The following PIK3C2G variants were observed in gnomAD, a reference collection of about 807,000 sequenced individuals.
PIK3C2G encodes the protein phosphatidylinositol 3-kinase C2 domain-containing subunit gamma.
In PIK3C2G, 168 loss-of-function variants were observed where a neutral mutation model predicts 181.1. The ratio of observed to expected loss-of-function variants is 0.93; its 90% CI spans 0.82 to 1.05. PIK3C2G has a LOEUF of 1.05. Ranked by LOEUF, PIK3C2G falls within the 50% of genes least tolerant of loss-of-function variation. The pLI is 0.00. For synonymous variants in PIK3C2G, 573 were observed against 592.2 expected, an observed-to-expected ratio of 0.97 and a Z score of 0.47; for missense variants, 1,869 against 1,732.8, an observed-to-expected ratio of 1.08 and a Z score of -1.40.
intron 8 of PIK3C2G, among the ~76,000 whole-genome samples, chr12:18,333,613 C>G (rs1426600690): frequency 1.3e-5 from 2 of 152,108 alleles, no homozygotes; most frequent in Non-Finnish European, 2.9e-5. Flanking sequence ...CTGCAAAGGA[C>G]ATGAACTCAT....
chr12:18,417,704 T>A (rs1945256952), intron 16 of PIK3C2G, among the ~76,000 whole-genome samples: 1 of 152,138 alleles, frequency 6.6e-6, no homozygotes, highest in Non-Finnish European at 1.5e-5. Flanking sequence ...TATTACACAT[T>A]TAGTAGACTA....
chr12:18,496,602 C>A (rs1414940690), intron 21 of PIK3C2G, among the ~76,000 whole-genome samples: 3 of 151,840 alleles, frequency 2.0e-5, no homozygotes, highest in Non-Finnish European at 4.4e-5. Context: ...AAATATGGGT[C>A]ATTTCAGTCT....
chr12:18,692,617 G>GT, the PIK3C2G span: 1 of 570,026 alleles, frequency 1.8e-6, no homozygotes, highest in African/African-American at 1.9e-5. Context: ...GCAATATGAG[G>GT]TCAACCGCAA....
At chr12:18,708,218 C>T in the PIK3C2G span, among the ~76,000 whole-genome samples, 2 of 152,160 alleles carry the variant, frequency 1.3e-5, no homozygotes, top group African/African-American at 4.8e-5. Flanking sequence ...GGTTATCTAT[C>T]TCTGTACATT....
intron 11 of PIK3C2G, among the ~76,000 whole-genome samples, chr12:18,348,391 T>C (rs1046029688): frequency 2.0e-5 from 3 of 152,080 alleles, no homozygotes; most frequent in African/African-American, 4.8e-5. Flanking sequence ...TGTCTCTACA[T>C]AGTACCTACA....
chr12:18,449,173 C>T (rs1486852536), intron 18 of PIK3C2G, among the ~76,000 whole-genome samples: 2 of 152,120 alleles, frequency 1.3e-5, no homozygotes, highest in African/African-American at 4.8e-5. Context: ...GCATTTATCT[C>T]TAGGCTCACT....
chr12:18,341,247 A>G (rs1323447302), intron 9 of PIK3C2G, among the ~76,000 whole-genome samples: 2 of 152,204 alleles, frequency 1.3e-5, no homozygotes, highest in Non-Finnish European at 2.9e-5. Context: ...TATCAAACTT[A>G]CAATATTTGA....
the PIK3C2G span, among the ~76,000 whole-genome samples, chr12:18,661,375 AAAGAG>A: frequency 5.6e-5 from 6 of 107,000 alleles, no homozygotes; most frequent in South Asian, 1.6e-3. Context: ...AAATAAAAAA[AAAGAG>A]AGAGAGAGAA....
At chr12:18,446,303 GTC>G (rs1434040743) in intron 18 of PIK3C2G, among the ~76,000 whole-genome samples, 9 of 152,254 alleles carry the variant, frequency 5.9e-5, no homozygotes, top group Admixed American at 3.3e-4. Flanking sequence ...AACATTCAGA[GTC>G]TCTCTTGCCC....
intron 1 of PIK3C2G, among the ~76,000 whole-genome samples, chr12:18,267,045 A>G (rs1489253506): frequency 2.6e-5 from 4 of 152,104 alleles, no homozygotes; most frequent in Non-Finnish European, 5.9e-5. Context: ...TAGGATTTCC[A>G]TAATACAGTG....
chr12:18,683,133 A>G, the PIK3C2G span: 2 of 938,024 alleles, frequency 2.1e-6, no homozygotes, highest in Admixed American at 4.3e-5. Context: ...TTCTAGTTTT[A>G]TGAGTAATTA....
At chr12:18,697,299 A>C in the PIK3C2G span, among the ~76,000 whole-genome samples, 1 of 152,150 alleles carries the variant, frequency 6.6e-6, no homozygotes, top group Non-Finnish European at 1.5e-5. Flanking sequence ...TAATTTTATC[A>C]ATATTTATTT....
At chr12:18,605,125 A>C (rs1304596914) in intron 30 of PIK3C2G, among the ~76,000 whole-genome samples, 3 of 152,172 alleles carry the variant, frequency 2.0e-5, no homozygotes, top group Non-Finnish European at 4.4e-5. Context: ...TACAAATAAA[A>C]TTGATAGACC....
In PIK3C2G at chr12:18,313,972, T is replaced by C. The variant is rs1950750382; in HGVS notation, c.1045T>C (p.Leu349=). The part of the protein sequence containing the change: ...SEEFLQNDHC[L]GSHKMFQKDK... ...TTTTTCCTCCTTCAGCGACCACTGT[T>C]TGGGGAGCCACAAAATGTTTCAAAA... The change falls in exon 6 of 33, where the codon TTG becomes CTG. Residue 349 remains leucine (L), a synonymous_variant. Transcript: ENST00000538779. 6.3e-7 allele frequency: 1 copy of C among 1,577,318 alleles called. No homozygotes were observed. Among genetic ancestry groups the C allele is most frequent in the East Asian group, 2.3e-5 (1 of 44,036 alleles).
At chr12:18,613,094 A>G (rs1948425502) in intron 31 of PIK3C2G, among the ~76,000 whole-genome samples, 1 of 152,104 alleles carries the variant, frequency 6.6e-6, no homozygotes, top group South Asian at 2.1e-4. Flanking sequence ...TCTCTCTAGC[A>G]CTTTTCCATG....
rs533749867 is a variant in PIK3C2G, at chr12:18,251,773, A to G, written c.-79+3691A>G. ...TTTCTATCATCTCAATTTACAATGT[A>G]TTATAGAAATATGCATACCACAGTC... On this transcript the variant is annotated intron_variant, in intron 1 of 11. Coordinates refer to the PIK3C2G transcript ENST00000535651. Among the ~76,000 whole-genome samples the G allele has an allele frequency of 4.0e-4, 61 of 152,212 alleles. 1 individual carries two copies. The South Asian group carries it at 0.012, about 31-fold the overall frequency.
intron 15 of PIK3C2G, among the ~76,000 whole-genome samples, chr12:18,395,819 TAAAC>T (rs1039649347): frequency 2.1e-4 from 32 of 151,422 alleles, no homozygotes; most frequent in African/African-American, 7.7e-4. Flanking sequence ...GTAATATGCT[TAAAC>T]AAAGGATATT....
At chr12:18,676,122 A>G in the PIK3C2G span, among the ~76,000 whole-genome samples, 1 of 152,130 alleles carries the variant, frequency 6.6e-6, no homozygotes, top group Admixed American at 6.6e-5. Flanking sequence ...AGACATTGCC[A>G]TCTTGGGACT....
chr12:18,488,422 G>T (rs1292613010), intron 18 of PIK3C2G, 27 bp from the exon 19 acceptor site: 5 of 1,450,724 alleles, frequency 3.4e-6, no homozygotes, highest in Non-Finnish European at 4.6e-6. Flanking sequence ...TTACATACAA[G>T]AATTTTTTTC....
Sources: allele counts gnomAD v4.1 joint callset (sites outside exome capture counted in the v4.1 genomes callset), GRCh38; gene constraint gnomAD v4.1.1; transcripts MANE v1.5; gene names NCBI Gene and HGNC (gene_info 2026-07-23, HGNC 2026-07-21).